RGS7BP: variants seen among roughly 807,000 people sequenced by gnomAD.
RGS7BP encodes the protein regulator of G protein signaling 7-binding protein.
A neutral mutation model predicts 31.3 loss-of-function variants in RGS7BP; 9 were observed. The ratio of observed to expected loss-of-function variants is 0.29; its 90% CI spans 0.17 to 0.50. RGS7BP has a LOEUF of 0.50. Among genes scored for constraint, RGS7BP ranks in the 20% least tolerant of loss-of-function variants. The probability of loss-of-function intolerance (pLI) is 0.98; values close to 1 mark genes in which losing one functional copy is unlikely to be tolerated. For synonymous variants in RGS7BP, 115 were observed against 120.1 expected (o/e 0.96, Z 0.28); for missense variants, 274 against 322.0 (o/e 0.85, Z 1.14).
At chr5:64,550,406 T>C (rs1196099659) in intron 2 of RGS7BP, among the ~76,000 whole-genome samples, 1 of 152,126 alleles carries the variant, frequency 6.6e-6, no homozygotes, top group Non-Finnish European at 1.5e-5. Context: ...CTAAAGGCAC[T>C]AACCCCTCAG....
intron 2 of RGS7BP, among the ~76,000 whole-genome samples, chr5:64,516,798 CA>C (rs1322671229): frequency 6.6e-6 from 1 of 152,112 alleles, no homozygotes; most frequent in Non-Finnish European, 1.5e-5. Context: ...ACCTGGGCTG[CA>C]CATGGAAATC....
At chr5:64,537,222 G>A (rs1741400600) in intron 2 of RGS7BP, among the ~76,000 whole-genome samples, 2 of 152,002 alleles carry the variant, frequency 1.3e-5, no homozygotes, top group South Asian at 4.2e-4. Context: ...AATTCTCTTG[G>A]GCCACACACA....
intron 3 of RGS7BP, among the ~76,000 whole-genome samples, chr5:64,579,227 G>C (rs561658751): frequency 6.6e-6 from 1 of 152,182 alleles, no homozygotes; most frequent in East Asian, 1.9e-4. Flanking sequence ...TAGGAGTAAA[G>C]AAAATAGTAA....
intron 2 of RGS7BP, among the ~76,000 whole-genome samples, chr5:64,529,682 G>C (rs907186000): frequency 1.3e-5 from 2 of 152,130 alleles, no homozygotes; most frequent in Non-Finnish European, 2.9e-5. Context: ...AGACAAGTTT[G>C]AGAACCACTG....
rs145087089 is a variant in RGS7BP at position 64,551,075 on chromosome 5, G to A, written c.333-24699G>A. Among the ~76,000 whole-genome samples the A allele has an allele frequency of 2.3e-3, 346 of 151,676 alleles. 3 individuals carry two copies. Among genetic ancestry groups the A allele is most frequent in the African/African-American group, 7.9e-3 (326 of 41,200 alleles). ...ACCCATATTGAATGCTGGCTCAACTGAGGTTTCATTTCCTTGAAACACAAG... is the reference window on the plus strand; with the variant it reads ...ACCCATATTGAATGCTGGCTCAACTAAGGTTTCATTTCCTTGAAACACAAG... On this transcript the variant is annotated intron_variant, in intron 2 of 5. Coordinates refer to ENST00000334025, the MANE Select transcript of RGS7BP (RefSeq NM_001029875.3).
chr5:64,548,579 G>C (rs572125526), intron 2 of RGS7BP, among the ~76,000 whole-genome samples: 1 of 152,070 alleles, frequency 6.6e-6, no homozygotes, highest in East Asian at 1.9e-4. Context: ...GCGTGATCTC[G>C]GCTCACTGCA....
chr5:64,581,069 C>G (rs1303461109), intron 3 of RGS7BP, among the ~76,000 whole-genome samples: 2 of 151,992 alleles, frequency 1.3e-5, no homozygotes, highest in Admixed American at 1.3e-4. Flanking sequence ...CAAAAATTAG[C>G]CAGGTGTGGT....
chr5:64,551,650 C>G (rs2111837533), intron 2 of RGS7BP, among the ~76,000 whole-genome samples: 1 of 152,080 alleles, frequency 6.6e-6, no homozygotes, highest in South Asian at 2.1e-4. Flanking sequence ...CTATTAAGAC[C>G]AAAGGGATTA....
At chr5:64,602,755 C>T (rs1430833420) in intron 5 of RGS7BP, among the ~76,000 whole-genome samples, 2 of 152,140 alleles carry the variant, frequency 1.3e-5, no homozygotes, top group South Asian at 2.1e-4. Flanking sequence ...GAAATTAGTG[C>T]TCACAATATA....
chr5:64,593,363 GC>G (rs1742971615), intron 3 of RGS7BP, among the ~76,000 whole-genome samples: 1 of 152,174 alleles, frequency 6.6e-6, no homozygotes, highest in South Asian at 2.1e-4. Flanking sequence ...ACCATGAGCA[GC>G]CATCCTCTTC....
chr5:64,543,193 T>G (rs1361797780), intron 2 of RGS7BP, among the ~76,000 whole-genome samples: 2 of 152,228 alleles, frequency 1.3e-5, no homozygotes, highest in African/African-American at 4.8e-5. Flanking sequence ...TATGACCATG[T>G]TATCTATATT....
intron 2 of RGS7BP, among the ~76,000 whole-genome samples, chr5:64,537,304 G>A (rs1561326703): frequency 6.6e-6 from 1 of 152,200 alleles, no homozygotes; most frequent in Non-Finnish European, 1.5e-5. Flanking sequence ...AATGTTTTAA[G>A]AAAGTTTACA....
intron 2 of RGS7BP, among the ~76,000 whole-genome samples, chr5:64,561,415 T>C (rs775095146): frequency 1.8e-4 from 28 of 152,138 alleles, no homozygotes; most frequent in Non-Finnish European, 3.8e-4. Flanking sequence ...CTGGTAATGG[T>C]ATGTACCGGC....
intron 2 of RGS7BP, among the ~76,000 whole-genome samples, chr5:64,548,866 T>C (rs1741723547): frequency 6.6e-6 from 1 of 151,854 alleles, no homozygotes. Context: ...TTTTTTTTTT[T>C]TACTAAGTAC....
At chr5:64,541,892 T>A (rs897159622) in intron 2 of RGS7BP, among the ~76,000 whole-genome samples, 2 of 152,228 alleles carry the variant, frequency 1.3e-5, no homozygotes, top group African/African-American at 4.8e-5. Flanking sequence ...TTAATTAATT[T>A]GCTTAGAAAG....
At chr5:64,507,141 G>A (rs1283640532) in intron 1 of RGS7BP, among the ~76,000 whole-genome samples, 1 of 152,218 alleles carries the variant, frequency 6.6e-6, no homozygotes, top group Non-Finnish European at 1.5e-5. Flanking sequence ...TCTGGGGACA[G>A]AGTAGCAAAC....
At chr5:64,558,586 A>G (rs13357292) in intron 2 of RGS7BP, among the ~76,000 whole-genome samples, 10 of 152,064 alleles carry the variant, frequency 6.6e-5, no homozygotes, top group Non-Finnish European at 1.2e-4. Flanking sequence ...TGTGTTTTTG[A>G]ACAATATGAA....
At chr5:64,545,177 GAA>G (rs530090802) in intron 2 of RGS7BP, among the ~76,000 whole-genome samples, 1 of 129,884 alleles carries the variant, frequency 7.7e-6, no homozygotes. Flanking sequence ...CAATGTCTTT[GAA>G]AAAAAAAAAA....
intron 2 of RGS7BP, among the ~76,000 whole-genome samples, chr5:64,564,849 TA>T (rs1458004646): frequency 2.6e-5 from 4 of 151,944 alleles, no homozygotes; most frequent in Admixed American, 2.0e-4. Context: ...TCTGCTTGTC[TA>T]AAAGGGTGGC....
Sources: gnomAD v4.1 joint callset for allele counts (sites outside exome capture counted in the v4.1 genomes callset) on GRCh38, gnomAD v4.1.1 for gene constraint, MANE v1.5 for transcripts, NCBI Gene and HGNC (gene_info 2026-07-23, HGNC 2026-07-21) for gene names.